URM1: variants seen among roughly 807,000 people sequenced by gnomAD.
URM1 encodes ubiquitin related modifier 1, also known as ubiquitin-related modifier 1.
URM1 carries 11 observed loss-of-function variants against 17.7 expected under a neutral mutation model. That is an observed-to-expected ratio of 0.62 (90% CI 0.39 to 1.03). URM1 has a LOEUF of 1.03. Ranked by LOEUF, URM1 falls within the 50% of genes least tolerant of loss-of-function variation. The pLI is 0.00. For synonymous variants in URM1, 48 were observed against 50.6 expected (o/e 0.95, Z 0.22); for missense variants, 128 against 129.2 (o/e 0.99, Z 0.04).
At chr9:128,380,331 G>T (rs1041214352) in intron 2 of URM1, among the ~76,000 whole-genome samples, 2 of 152,140 alleles carry the variant, frequency 1.3e-5, no homozygotes, top group African/African-American at 4.8e-5. Flanking sequence ...AGGCTGGGGG[G>T]GGGACACTTA....
chr9:128,378,000 C>T (rs1227528764), intron 1 of URM1, 36 bp from the exon 2 acceptor site: 2 of 1,609,544 alleles, frequency 1.2e-6, no homozygotes, highest in Non-Finnish European at 1.7e-6. Flanking sequence ...TGCAGGAGCT[C>T]ACCTGGCTGT....
At chr9:128,371,368 C>A (rs369971476), upstream of URM1, 12 of 1,612,880 alleles carry the variant, frequency 7.4e-6, no homozygotes, top group Non-Finnish European at 9.3e-6. Context: ...CCTGCGAGCT[C>A]GGCTTCCTCA....
chr9:128,373,553 T>A (rs1271786560), intron 1 of URM1, among the ~76,000 whole-genome samples: 1 of 152,164 alleles, frequency 6.6e-6, no homozygotes, highest in Admixed American at 6.6e-5. Flanking sequence ...TTCCTTCTTG[T>A]CAGTGACCAC....
Position 128,388,180 on chromosome 9 carries a change from C to T in URM1, c.188+283C>T, listed in dbSNP as rs956698470. On this transcript the variant is annotated intron_variant, in intron 3 of 4. Coordinates refer to ENST00000372853, the MANE Select transcript of URM1 (RefSeq NM_030914.4). Reference sequence around the variant, plus strand: ...CTGTGGGACCTTAGGCGACTTACTTCGCTTCTCTGGGCCTCAGTTACTCTC... The same window carrying T: ...CTGTGGGACCTTAGGCGACTTACTTTGCTTCTCTGGGCCTCAGTTACTCTC... 1.9e-4 allele frequency: 242 copies of T among 1,246,966 alleles called. 1 individual carries two copies. The highest frequency in any genetic ancestry group is 1.8e-3 in the South Asian group (73 of 40,236). 77.2% of individuals were successfully genotyped at this position (1,246,966 alleles called of 1,614,324 possible).
rs902494532 is a variant in URM1 at position 128,390,154 on chromosome 9, G to A, written c.*420G>A. 15 of 199,296 alleles carry A rather than the reference G, an allele frequency of 7.5e-5. No individual in the cohort carries two copies. Among genetic ancestry groups the A allele is most frequent in the African/African-American group, 3.5e-4 (15 of 42,520 alleles). 12.3% of individuals were successfully genotyped at this position (199,296 alleles called of 1,614,324 possible). Reference sequence around the variant, plus strand: ...GAATGGACCTGAGTAGCTGAAGGAAGGCCCCTCCCTACCCAAAGACTGGAG... The same window carrying A: ...GAATGGACCTGAGTAGCTGAAGGAAAGCCCCTCCCTACCCAAAGACTGGAG... On this transcript the variant is annotated 3_prime_UTR_variant, in exon 5 of 5. Coordinates refer to ENST00000372853, the MANE Select transcript of URM1 (RefSeq NM_030914.4).
chr9:128,391,939 C>T lies in URM1; in HGVS notation c.*2205C>T, dbSNP rs1043248766. 1 of 152,260 alleles carries T rather than the reference C, an allele frequency of 6.6e-6. No individual in the cohort carries two copies. Among genetic ancestry groups the T allele is most frequent in the African/African-American group, 2.4e-5 (1 of 41,446 alleles). 9.4% of individuals were successfully genotyped at this position (152,260 alleles called of 1,614,324 possible). A position where few individuals can be genotyped will look rare whatever the true frequency, so the allele number is the denominator to read the frequency against. On this transcript the variant is annotated 3_prime_UTR_variant, in exon 5 of 5. Transcript: ENST00000372853. ...GACCTGGGCTCAGCCCCCAGCAGCT[C>T]CCAACTGCCCCTCTCCCAAGCAACT... is the stretch of plus-strand genomic sequence containing the variant.
rs1833240288 is a variant in URM1, at chr9:128,387,257, G to C, written c.107-559G>C. Among the ~76,000 whole-genome samples, 1 of 152,268 alleles carries C rather than the reference G, an allele frequency of 6.6e-6. No homozygotes were observed. The highest frequency in any genetic ancestry group is 2.4e-5 in the African/African-American group (1 of 41,474). On this transcript the variant is annotated intron_variant, in intron 2 of 4. Transcript: ENST00000372853. The surrounding 1 kb of genome is among the most constrained non-coding windows in gnomAD (Gnocchi z 4.3). ...GAGCAGGGATTTGTCAGCATCCCTA[G>C]CTGGTGAATGATCCTTCTCTCCCTC...
At chr9:128,375,536 C>A (rs2131289365) in intron 1 of URM1, among the ~76,000 whole-genome samples, 1 of 152,112 alleles carries the variant, frequency 6.6e-6, no homozygotes, top group South Asian at 2.1e-4. Flanking sequence ...TAGAGTGAGA[C>A]CTCACTATGT....
At chr9:128,389,196 C>T in intron 3 of URM1, 65 bp from the exon 4 acceptor site, 2 of 1,537,860 alleles carry the variant, frequency 1.3e-6, no homozygotes, top group Non-Finnish European at 1.8e-6. Context: ...CTCTCAGCCT[C>T]TCTTCCTCTG....
intron 2 of URM1, among the ~76,000 whole-genome samples, chr9:128,383,565 T>C (rs1049884723): frequency 6.6e-6 from 1 of 152,144 alleles, no homozygotes; most frequent in Non-Finnish European, 1.5e-5. Context: ...GTGCATTTGT[T>C]GGCATGGTCC....
chr9:128,373,298 C>T (rs1225420494), intron 1 of URM1, among the ~76,000 whole-genome samples: 1 of 151,734 alleles, frequency 6.6e-6, no homozygotes, highest in Admixed American at 6.6e-5. Flanking sequence ...TCTCTTTGTC[C>T]TTGTGTTGAT....
At position 128,391,798 on chromosome 9, in the gene URM1, G is replaced by C. The variant is rs1833319779; in HGVS notation, c.*2064G>C. The C allele has an allele frequency of 6.6e-6, 1 of 152,206 alleles. No homozygotes were observed. Among genetic ancestry groups the C allele is most frequent in the South Asian group, 2.1e-4 (1 of 4,834 alleles). 9.4% of individuals were successfully genotyped at this position (152,206 alleles called of 1,614,324 possible). On this transcript the variant is annotated 3_prime_UTR_variant, in exon 5 of 5. Coordinates refer to ENST00000372853, the MANE Select transcript of URM1 (RefSeq NM_030914.4). ...GCAGGAGGAGGTGCTGGGAAAACCG[G>C]GTTTCTTGGCACATGGGGGTGCAAG...
At chr9:128,381,206 T>C (rs999884015) in intron 2 of URM1, among the ~76,000 whole-genome samples, 3 of 152,238 alleles carry the variant, frequency 2.0e-5, no homozygotes, top group Non-Finnish European at 4.4e-5. Context: ...AGTTACTGGA[T>C]ATTCATTAGT....
At chr9:128,378,180 C>T (rs546919240) in intron 2 of URM1, 74 bp downstream of exon 2, 8 of 1,054,076 alleles carry the variant, frequency 7.6e-6, no homozygotes, top group South Asian at 2.9e-5. Context: ...CACTCAGCCC[C>T]GTTCAGGCCT....
rs1052046055 is a variant in URM1 at position 128,391,992 on chromosome 9, C to T, written c.*2258C>T. On this transcript the variant is annotated 3_prime_UTR_variant, in exon 5 of 5. Coordinates refer to ENST00000372853, the MANE Select transcript of URM1 (RefSeq NM_030914.4). ...TGATCCCTGCTTTTGAGGAAATAAA[C>T]AAATAAAACCCCGCTATCTCCGAAG... 2 of 152,330 alleles carry T rather than the reference C, an allele frequency of 1.3e-5. No individual in the cohort carries two copies. The highest frequency in any genetic ancestry group is 2.9e-5 in the Non-Finnish European group (2 of 68,108). 9.4% of individuals were successfully genotyped at this position (152,330 alleles called of 1,614,324 possible).
intron 2 of URM1, among the ~76,000 whole-genome samples, chr9:128,382,507 A>G (rs1214367805): frequency 1.3e-5 from 2 of 152,184 alleles, no homozygotes; most frequent in East Asian, 1.9e-4. Flanking sequence ...GACAAGCCTC[A>G]CAAATGAGGG....
intron 1 of URM1, among the ~76,000 whole-genome samples, chr9:128,376,125 C>A (rs1198147845): frequency 6.6e-6 from 1 of 151,730 alleles, no homozygotes; most frequent in Non-Finnish European, 1.5e-5. Context: ...CTAATCCCAG[C>A]ACTTTGGGAG....
intron 2 of URM1, among the ~76,000 whole-genome samples, chr9:128,379,250 G>T (rs966182516): frequency 6.6e-6 from 1 of 152,174 alleles, no homozygotes; most frequent in Admixed American, 6.5e-5. Context: ...GGGAGGCTGA[G>T]GCGGGCAGAT....
intron 2 of URM1, among the ~76,000 whole-genome samples, chr9:128,385,339 T>G (rs1421882174): frequency 6.6e-6 from 1 of 152,190 alleles, no homozygotes; most frequent in Non-Finnish European, 1.5e-5. Flanking sequence ...TAATTAAGTA[T>G]GGTATGTCTC....
Sources: allele counts gnomAD v4.1 joint callset (sites outside exome capture counted in the v4.1 genomes callset), GRCh38; gene constraint gnomAD v4.1.1; non-coding constraint Gnocchi (gnomAD v3.1); transcripts MANE v1.5; gene names NCBI Gene and HGNC (gene_info 2026-07-23, HGNC 2026-07-21).